Variants in JAM2 observed in about 807,000 individuals in gnomAD.
JAM2 encodes the protein junctional adhesion molecule B.
A neutral mutation model predicts 42.0 loss-of-function variants in JAM2; 17 were observed. The ratio of observed to expected loss-of-function variants is 0.40; its 90% CI spans 0.28 to 0.61. JAM2 has a LOEUF of 0.61. JAM2 is among the 20% of genes least tolerant of loss of function. The probability of loss-of-function intolerance (pLI) is 0.37; values close to 1 mark genes in which losing one functional copy is unlikely to be tolerated. For missense variants in JAM2, 319 were observed against 358.3 expected (o/e 0.89, Z 0.89); for synonymous variants, 118 against 128.6 (o/e 0.92, Z 0.56).
chr21:25,680,734 T>C lies in JAM2; in HGVS notation c.68-3149T>C, dbSNP rs566470226. Among the ~76,000 whole-genome samples, 71 of 152,200 alleles carry C rather than the reference T, an allele frequency of 4.7e-4. 1 individual carries two copies. Among genetic ancestry groups the C allele is most frequent in the Non-Finnish European group, 6.9e-4 (47 of 68,016 alleles). ...GTCAATGAGAGTACAAAATACTCCA[T>C]AAAAAGGAGGTAGTTTAGTCAGAAA... On this transcript the variant is annotated intron_variant, in intron 1 of 9. Transcript: ENST00000480456.
chr21:25,682,494 C>G (rs1013131949), intron 1 of JAM2, among the ~76,000 whole-genome samples: 3 of 152,242 alleles, frequency 2.0e-5, no homozygotes, highest in African/African-American at 7.2e-5. Context: ...CTCACCTGTT[C>G]TGTAGCCACC....
rs538716331 is a variant in JAM2, at chr21:25,642,216, G to C, written c.67+2328G>C. On this transcript the variant is annotated intron_variant, in intron 1 of 9. Transcript: ENST00000480456. ...ACTACATGCAACCCACACTTCTTCAGGAAGGAGAGTTATGCTCCATCTCCT... is the reference window on the plus strand; with the variant it reads ...ACTACATGCAACCCACACTTCTTCACGAAGGAGAGTTATGCTCCATCTCCT... Among the ~76,000 whole-genome samples, 88 of 151,696 alleles carry C rather than the reference G, an allele frequency of 5.8e-4. 2 individuals carry two copies. The highest frequency in any genetic ancestry group is 2.0e-3 in the African/African-American group (84 of 41,320).
At chr21:25,644,563 G>T (rs1270848361) in intron 1 of JAM2, among the ~76,000 whole-genome samples, 1 of 152,160 alleles carries the variant, frequency 6.6e-6, no homozygotes, top group Admixed American at 6.5e-5. Context: ...ATTACCTTGG[G>T]CTTACCTGAG....
chr21:25,652,536 A>G (rs1292336461), intron 1 of JAM2, among the ~76,000 whole-genome samples: 1 of 152,240 alleles, frequency 6.6e-6, no homozygotes, highest in Non-Finnish European at 1.5e-5. Flanking sequence ...GGACAAAAAT[A>G]GCTACAAATA....
chr21:25,651,471 A>G (rs544087922), intron 1 of JAM2, among the ~76,000 whole-genome samples: 1 of 152,354 alleles, frequency 6.6e-6, no homozygotes, highest in Non-Finnish European at 1.5e-5. Flanking sequence ...TAGGCATTCT[A>G]CATACTGCTG....
intron 9 of JAM2, 70 bp from the exon 10 acceptor site, chr21:25,714,570 A>T (rs2123425116): frequency 4.2e-6 from 4 of 944,954 alleles, no homozygotes; most frequent in Non-Finnish European, 6.5e-6. Context: ...ATAGCTTGAT[A>T]TTCATAAGAT....
At chr21:25,691,899 C>T (rs1488223344) in intron 3 of JAM2, among the ~76,000 whole-genome samples, 1 of 151,602 alleles carries the variant, frequency 6.6e-6, no homozygotes, top group African/African-American at 2.4e-5. Flanking sequence ...TGTGGTGGTG[C>T]ATATCTGTAA....
At chr21:25,714,276 G>T in intron 9 of JAM2, 1 of 1,226,246 alleles carries the variant, frequency 8.2e-7, no homozygotes, top group South Asian at 1.3e-5. Flanking sequence ...GAAGGCCGCG[G>T]CGGGCGGATC....
intron 1 of JAM2, among the ~76,000 whole-genome samples, chr21:25,683,453 T>C (rs2033682336): frequency 6.6e-6 from 1 of 152,242 alleles, no homozygotes; most frequent in Admixed American, 6.5e-5. Flanking sequence ...GACTCATTTC[T>C]ATATGACATG....
intron 1 of JAM2, among the ~76,000 whole-genome samples, chr21:25,673,522 C>T (rs998447730): frequency 5.3e-5 from 8 of 152,140 alleles, no homozygotes; most frequent in African/African-American, 7.2e-5. Flanking sequence ...TTAACACTGT[C>T]TCTGTTAAGA....
chr21:25,675,740 T>C (rs1365477341), intron 1 of JAM2, among the ~76,000 whole-genome samples: 1 of 151,974 alleles, frequency 6.6e-6, no homozygotes, highest in Non-Finnish European at 1.5e-5. Flanking sequence ...GTTAAGCCAT[T>C]CATGAGAAAC....
intron 1 of JAM2, among the ~76,000 whole-genome samples, chr21:25,681,496 A>G (rs2033630389): frequency 6.6e-6 from 1 of 152,192 alleles, no homozygotes; most frequent in Admixed American, 6.5e-5. Flanking sequence ...TGTCACGAGA[A>G]CAGCATGGTT....
chr21:25,703,909 A>C (rs1343705907), intron 6 of JAM2, among the ~76,000 whole-genome samples: 1 of 152,088 alleles, frequency 6.6e-6, no homozygotes, highest in Non-Finnish European at 1.5e-5. Context: ...CTTATCTATT[A>C]CTCTTCTGTC....
At chr21:25,705,927 A>C in intron 6 of JAM2, 52 bp from the exon 7 acceptor site, 1 of 1,200,290 alleles carries the variant, frequency 8.3e-7, no homozygotes, top group Admixed American at 1.7e-5. Context: ...TAATGACTGC[A>C]TCTGTCCGTG....
chr21:25,674,258 G>A (rs988532502), intron 1 of JAM2, among the ~76,000 whole-genome samples: 1 of 152,082 alleles, frequency 6.6e-6, no homozygotes, highest in Non-Finnish European at 1.5e-5. Flanking sequence ...AGCCAGGTGT[G>A]GTGGCACGTG....
At position 25,639,762 on chromosome 21, in the gene JAM2, T is replaced by C. The variant is rs2032371620; in HGVS notation, c.-60T>C. Reference sequence around the variant, plus strand: ...AGAAGTTCAAGGGCCCCCGGCCTCCTGCGCTCCTGCCGCCGGGACCCTCGA... The same window carrying C: ...AGAAGTTCAAGGGCCCCCGGCCTCCCGCGCTCCTGCCGCCGGGACCCTCGA... On this transcript the variant is annotated 5_prime_UTR_variant, in exon 1 of 10. Coordinates refer to ENST00000480456, the MANE Select transcript of JAM2 (RefSeq NM_021219.4). 2 of 1,226,816 alleles carry C rather than the reference T, an allele frequency of 1.6e-6. No individual in the cohort carries two copies. The highest frequency in any genetic ancestry group is 3.0e-5 in the African/African-American group (2 of 65,594). 76.0% of individuals were successfully genotyped at this position (1,226,816 alleles called of 1,614,324 possible). A position where few individuals can be genotyped will look rare whatever the true frequency, so the allele number is the denominator to read the frequency against.
At chr21:25,703,834 A>G (rs533331238) in intron 6 of JAM2, among the ~76,000 whole-genome samples, 2 of 152,062 alleles carry the variant, frequency 1.3e-5, no homozygotes, top group East Asian at 3.9e-4. Context: ...GAGGCATAAT[A>G]TGGCTGTATG....
Position 25,695,732 on chromosome 21 carries a change from G to T in JAM2, c.394+1824G>T, listed in dbSNP as rs568139431. Among the ~76,000 whole-genome samples the T allele has an allele frequency of 1.4e-4, 21 of 150,814 alleles. No homozygotes were observed. In the South Asian group the frequency reaches 4.4e-3, roughly 32 times the overall value. ...CAGATGGGGCGGCTGCCAGGCGGAG[G>T]GGCTCCTCACTTCTCAGACGGGGTG... On this transcript the variant is annotated intron_variant, in intron 4 of 9. Coordinates refer to ENST00000480456, the MANE Select transcript of JAM2 (RefSeq NM_021219.4).
chr21:25,668,702 G>C (rs1214577409), intron 1 of JAM2, among the ~76,000 whole-genome samples: 1 of 152,234 alleles, frequency 6.6e-6, no homozygotes, highest in East Asian at 1.9e-4. Context: ...CAGCAAAGAT[G>C]TCCAGAATGG....
Sources: gnomAD v4.1 joint callset for allele counts (sites outside exome capture counted in the v4.1 genomes callset) on GRCh38, gnomAD v4.1.1 for gene constraint, MANE v1.5 for transcripts, NCBI Gene and HGNC (gene_info 2026-07-23, HGNC 2026-07-21) for gene names.